The following USP37 variants were observed in gnomAD, a reference collection of about 807,000 sequenced individuals.
USP37 encodes ubiquitin specific peptidase 37, also known as ubiquitin carboxyl-terminal hydrolase 37.
Under a neutral mutation model 124.0 loss-of-function variants are expected in USP37, and 27 were observed. That is an observed-to-expected ratio of 0.22 (90% CI 0.16 to 0.30). The LOEUF (loss-of-function observed/expected upper bound fraction) is 0.30, where lower values mean the gene tolerates loss of function less well. Among genes scored for constraint, USP37 ranks in the 10% least tolerant of loss-of-function variants. The pLI is 1.00. For missense variants in USP37, 889 were observed against 1,140.4 expected, an observed-to-expected ratio of 0.78 and a Z score of 3.17; for synonymous variants, 365 against 388.0, an observed-to-expected ratio of 0.94 and a Z score of 0.70.
At chr2:218,477,303 T>C (rs372657576) in intron 18 of USP37, among the ~76,000 whole-genome samples, 6 of 152,216 alleles carry the variant, frequency 3.9e-5, no homozygotes, top group African/African-American at 1.2e-4. Flanking sequence ...GGCATAGCAA[T>C]GAATAAATGT....
chr2:218,481,683 C>CT (rs71403043), intron 17 of USP37, among the ~76,000 whole-genome samples: 6,363 of 134,420 alleles, frequency 0.047, 269 homozygotes, highest in African/African-American at 0.11. Flanking sequence ...CTTTTCTTTT[C>CT]TTTTTTTTTT....
intron 5 of USP37, 28 bp from the exon 6 acceptor site, chr2:218,549,937 A>T (rs775437012): frequency 2.1e-5 from 32 of 1,529,162 alleles, no homozygotes; most frequent in East Asian, 4.6e-5. Flanking sequence ...AATTTTTTTT[A>T]AAATCCCCAA....
At position 218,459,915 on chromosome 2, in the gene USP37, A is replaced by T; in HGVS notation, c.2528-10T>A. ...AAGGAGTTGTTAAACTCTGAAGAAT[A>T]CAAAGACAAAATCTTATAAAAGTTC... On this transcript the variant is annotated splice_polypyrimidine_tract_variant and intron_variant, in intron 22 of 25. Transcript: ENST00000258399. 1 of 1,604,068 alleles carries T rather than the reference A, an allele frequency of 6.2e-7. No individual in the cohort carries two copies. Among genetic ancestry groups the T allele is most frequent in the Non-Finnish European group, 8.5e-7 (1 of 1,172,182 alleles).
At chr2:218,474,556 A>G in intron 20 of USP37, 74 bp downstream of exon 20, 1 of 1,560,912 alleles carries the variant, frequency 6.4e-7, no homozygotes, top group Non-Finnish European at 8.7e-7. Context: ...CGTTATTTGG[A>G]GGTTATTTGT....
intron 22 of USP37, among the ~76,000 whole-genome samples, chr2:218,460,968 T>G (rs1201417443): frequency 6.6e-6 from 1 of 151,846 alleles, no homozygotes; most frequent in Non-Finnish European, 1.5e-5. Context: ...AAAAAATCAT[T>G]TCTTGAAACG....
chr2:218,528,508 G>A (rs571326832), intron 10 of USP37: 2 of 269,848 alleles, frequency 7.4e-6, no homozygotes, highest in Non-Finnish European at 1.4e-5. Context: ...CCACTTATGA[G>A]TAAGAATATG....
At position 218,454,780 on chromosome 2, in the gene USP37, T is replaced by C; in HGVS notation, c.*150A>G. The C allele has an allele frequency of 2.1e-6, 3 of 1,438,578 alleles. No individual in the cohort carries two copies. The highest frequency in any genetic ancestry group is 2.8e-5 in the African/African-American group (2 of 70,522). 89.1% of individuals were successfully genotyped at this position (1,438,578 alleles called of 1,614,324 possible). On this transcript the variant is annotated 3_prime_UTR_variant, in exon 26 of 26. Coordinates refer to ENST00000258399, the MANE Select transcript of USP37 (RefSeq NM_020935.3). Reference sequence around the variant, plus strand: ...ATAAAATAGCATGGAGCATTCTACGTTACTCCAATTTTTGTCTTTTGGTTT... The same window carrying C: ...ATAAAATAGCATGGAGCATTCTACGCTACTCCAATTTTTGTCTTTTGGTTT...
intron 20 of USP37, among the ~76,000 whole-genome samples, chr2:218,470,587 G>A (rs1411777221): frequency 1.3e-5 from 2 of 152,136 alleles, no homozygotes; most frequent in African/African-American, 4.8e-5. Flanking sequence ...AAAAACCAGA[G>A]ACTACTTAGC....
intron 24 of USP37, 53 bp downstream of exon 24, chr2:218,457,039 G>C (rs1689738725): frequency 6.5e-7 from 1 of 1,547,188 alleles, no homozygotes; most frequent in South Asian, 1.1e-5. Context: ...ATAATAAAGA[G>C]CAAATGCTGA....
chr2:218,456,902 G>A (rs1484489936), intron 24 of USP37, among the ~76,000 whole-genome samples, 190 bp downstream of exon 24: 5 of 151,980 alleles, frequency 3.3e-5, no homozygotes, highest in Non-Finnish European at 7.4e-5. Flanking sequence ...CCCAGGAGGT[G>A]GAGGCTGCAG....
intron 14 of USP37, among the ~76,000 whole-genome samples, chr2:218,493,782 G>A (rs954038202): frequency 6.6e-6 from 1 of 152,098 alleles, no homozygotes; most frequent in Non-Finnish European, 1.5e-5. Context: ...GATATGGCCT[G>A]CTTTCTTCTG....
intron 10 of USP37, among the ~76,000 whole-genome samples, chr2:218,512,787 T>A (rs543103563): frequency 6.6e-6 from 1 of 152,286 alleles, no homozygotes; most frequent in Non-Finnish European, 1.5e-5. Context: ...TTTCATCTTG[T>A]TTTCAACCTT....
intron 20 of USP37, among the ~76,000 whole-genome samples, chr2:218,474,280 T>G (rs1690846756): frequency 6.6e-6 from 1 of 152,168 alleles, no homozygotes; most frequent in African/African-American, 2.4e-5. Flanking sequence ...GTCACAATAT[T>G]TGCTTCTCAT....
intron 6 of USP37, among the ~76,000 whole-genome samples, chr2:218,548,723 T>C (rs1474715468): frequency 1.0e-5 from 1 of 96,618 alleles, no homozygotes; most frequent in African/African-American, 4.0e-5. Flanking sequence ...AAAATCAGTA[T>C]TTATCCTTAA....
At chr2:218,545,210 G>A (rs112565855) in intron 8 of USP37, among the ~76,000 whole-genome samples, 1,944 of 152,292 alleles carry the variant, frequency 0.013, 47 homozygotes, top group African/African-American at 0.045. Context: ...TGAAATACAG[G>A]CATATTTCCC....
intron 21 of USP37, among the ~76,000 whole-genome samples, chr2:218,463,746 A>G (rs1391838881): frequency 6.6e-6 from 1 of 151,568 alleles, no homozygotes; most frequent in East Asian, 1.9e-4. Context: ...CATGTTAGCC[A>G]GGGTGGTCTC....
At chr2:218,507,224 A>G (rs760293823) in intron 11 of USP37, among the ~76,000 whole-genome samples, 45 of 151,782 alleles carry the variant, frequency 3.0e-4, no homozygotes, top group Admixed American at 1.6e-3. Context: ...GAGTGGTGCA[A>G]TCTCGGCTCA....
intron 20 of USP37, among the ~76,000 whole-genome samples, chr2:218,467,521 G>T (rs1223417380): frequency 1.3e-5 from 2 of 151,912 alleles, no homozygotes; most frequent in Non-Finnish European, 2.9e-5. Context: ...GCTAATTTTT[G>T]TATTTTTAGT....
chr2:218,476,855 C>T lies in USP37; in HGVS notation c.2028G>A (p.Gln676=), dbSNP rs1406185558. 1 of 1,598,330 alleles carries T rather than the reference C, an allele frequency of 6.3e-7. No homozygotes were observed. Among genetic ancestry groups the T allele is most frequent in the Admixed American group, 1.8e-5 (1 of 56,268 alleles). The stretch of plus-strand genomic sequence containing the variant: ...TATTACTTACTTTTTCCAGGTCTTC[C>T]TGCTGCTGTTCGTTGCCTAACATTT... The part of the protein sequence containing the change: ...LCEMLGNEQQ[Q]EDLEKDSKLC... Residue 676 remains glutamine, a synonymous_variant, in exon 19 of 26, where the codon CAG becomes CAA. Transcript: ENST00000258399.
Sources: allele counts gnomAD v4.1 joint callset (sites outside exome capture counted in the v4.1 genomes callset), GRCh38; gene constraint gnomAD v4.1.1; transcripts MANE v1.5; gene names NCBI Gene and HGNC (gene_info 2026-07-23, HGNC 2026-07-21).